PTPRN2: variants seen among roughly 807,000 people sequenced by gnomAD.
PTPRN2 encodes receptor-type tyrosine-protein phosphatase N2.
A neutral mutation model predicts 118.8 loss-of-function variants in PTPRN2; 74 were observed. The observed-to-expected ratio is 0.62, with a 90% CI of 0.52 to 0.76. The LOEUF is 0.76. Ranked by LOEUF, PTPRN2 falls within the 30% of genes least tolerant of loss-of-function variation. The probability of loss-of-function intolerance (pLI) is 0.00; values close to 1 mark genes in which losing one functional copy is unlikely to be tolerated. For missense variants in PTPRN2, 1,481 were observed against 1,394.4 expected, an observed-to-expected ratio of 1.06 and a Z score of -0.99; for synonymous variants, 641 against 608.0, an observed-to-expected ratio of 1.05 and a Z score of -0.80.
chr7:158,579,355 C>T (rs1239159975), intron 1 of PTPRN2, among the ~76,000 whole-genome samples: 2 of 152,214 alleles, frequency 1.3e-5, no homozygotes, highest in East Asian at 1.9e-4. Context: ...CAGCCACCAC[C>T]TCCAACATTA....
At chr7:158,270,563 A>G (rs140411752) in intron 3 of PTPRN2, among the ~76,000 whole-genome samples, 3,068 of 152,168 alleles carry the variant, frequency 0.02, 52 homozygotes, top group Non-Finnish European at 0.032. Context: ...TGCTATCACA[A>G]TTGAGGGCTG....
At chr7:157,919,285 A>G (rs1798575457) in intron 11 of PTPRN2, among the ~76,000 whole-genome samples, 1 of 152,218 alleles carries the variant, frequency 6.6e-6, no homozygotes, top group Non-Finnish European at 1.5e-5. Flanking sequence ...ACAGAAAACA[A>G]AACTCTCTCA....
intron 5 of PTPRN2, among the ~76,000 whole-genome samples, chr7:158,184,097 C>A (rs923672759): frequency 6.6e-6 from 1 of 151,856 alleles, no homozygotes; most frequent in Non-Finnish European, 1.5e-5. Flanking sequence ...GTGTGTCTTT[C>A]GAAGAAGTGT....
At position 157,548,986 on chromosome 7, in the gene PTPRN2, T is replaced by C. The variant is rs377060293; in HGVS notation, c.2936A>G (p.Glu979Gly). 2 of 1,614,070 alleles carry C rather than the reference T, an allele frequency of 1.2e-6. No homozygotes were observed. Among genetic ancestry groups the C allele is most frequent in the African/African-American group, 2.7e-5 (2 of 74,912 alleles). The change falls in exon 22 of 23, where the codon GAG becomes GGG. Residue 979 changes from glutamate to glycine, a missense_variant. By Grantham distance (98) the Glu-to-Gly change is moderately conservative (BLOSUM62 -2). This residue lies in a region of PTPRN2 where 362 missense variants were observed against 384.1 expected (regional missense o/e 0.94). Coordinates refer to ENST00000389418, the MANE Select transcript of PTPRN2 (RefSeq NM_002847.5). Reference protein sequence around the residue: ...AKEIDIAATLEHLRDQRPGMV... With the variant: ...AKEIDIAATLGHLRDQRPGMV... ...GCCGGGTCTCTGGTCCCTCAAGTGC[T>C]CCAGGGTCGCTGCGATATCAATCTC...
intron 2 of PTPRN2, among the ~76,000 whole-genome samples, chr7:158,414,935 G>A (rs1405694788): frequency 3.3e-5 from 5 of 152,190 alleles, no homozygotes; most frequent in African/African-American, 4.8e-5. Flanking sequence ...AAGGAAAACA[G>A]GAGCTGAGCA....
chr7:157,733,554 T>C (rs113861107), intron 12 of PTPRN2, among the ~76,000 whole-genome samples: 609 of 18,520 alleles, frequency 0.033, 76 homozygotes, highest in Middle Eastern at 0.071. Context: ...GCACAGTTAC[T>C]CTTTGCCGTC....
At chr7:158,062,642 G>A (rs1810432671) in intron 11 of PTPRN2, among the ~76,000 whole-genome samples, 1 of 152,186 alleles carries the variant, frequency 6.6e-6, no homozygotes, top group Admixed American at 6.5e-5. Context: ...GGTGGGCGTG[G>A]GCTCGGCAGG....
intron 3 of PTPRN2, among the ~76,000 whole-genome samples, chr7:158,281,586 T>C (rs1333677314): frequency 1.3e-5 from 2 of 152,162 alleles, no homozygotes; most frequent in Non-Finnish European, 2.9e-5. Context: ...GGGTGTGTGG[T>C]GTGCGTGGTG....
intron 3 of PTPRN2, among the ~76,000 whole-genome samples, chr7:158,206,832 A>G (rs947962834): frequency 6.7e-6 from 1 of 150,126 alleles, no homozygotes; most frequent in Non-Finnish European, 1.5e-5. Flanking sequence ...TTATACTTTA[A>G]GTTTTAGGGT....
At chr7:158,365,442 G>C (rs1277975107) in intron 2 of PTPRN2, among the ~76,000 whole-genome samples, 1 of 151,994 alleles carries the variant, frequency 6.6e-6, no homozygotes, top group Non-Finnish European at 1.5e-5. Flanking sequence ...TCCTACAAAA[G>C]AAATCACATG....
At chr7:158,401,411 G>A (rs1432295622) in intron 2 of PTPRN2, among the ~76,000 whole-genome samples, 1 of 152,276 alleles carries the variant, frequency 6.6e-6, no homozygotes, top group Non-Finnish European at 1.5e-5. Flanking sequence ...GGAGCAGCAT[G>A]GAGGCAGAGA....
chr7:157,651,999 G>T (rs1183216113), intron 14 of PTPRN2, among the ~76,000 whole-genome samples: 4 of 152,234 alleles, frequency 2.6e-5, no homozygotes, highest in African/African-American at 9.6e-5. Context: ...CCTTCCCTGC[G>T]CCTGGGAGGC....
At chr7:158,513,613 G>A (rs1211581626) in intron 1 of PTPRN2, among the ~76,000 whole-genome samples, 2 of 35,966 alleles carry the variant, frequency 5.6e-5, no homozygotes, top group Non-Finnish European at 1.0e-4. Context: ...CTGAAAAATA[G>A]TTTATTATAG....
intron 10 of PTPRN2, among the ~76,000 whole-genome samples, chr7:158,106,068 C>T (rs1815659704): frequency 6.6e-6 from 1 of 152,136 alleles, no homozygotes; most frequent in Non-Finnish European, 1.5e-5. Flanking sequence ...CAACTCCATT[C>T]AGCTCTATCC....
At chr7:157,567,271 T>C (rs1208791348) in intron 21 of PTPRN2, among the ~76,000 whole-genome samples, 2 of 152,238 alleles carry the variant, frequency 1.3e-5, no homozygotes, top group African/African-American at 4.8e-5. Context: ...TTAAAAATAT[T>C]ATGAGTGTTT....
At chr7:158,292,757 G>A (rs1190751859) in intron 3 of PTPRN2, among the ~76,000 whole-genome samples, 1 of 152,164 alleles carries the variant, frequency 6.6e-6, no homozygotes, top group African/African-American at 2.4e-5. Context: ...AAAAGGTGCA[G>A]TAAAAATATG....
At chr7:158,414,623 C>T (rs544828002) in intron 2 of PTPRN2, among the ~76,000 whole-genome samples, 8 of 152,356 alleles carry the variant, frequency 5.3e-5, no homozygotes, top group African/African-American at 1.7e-4. Context: ...AGGCCGCCCC[C>T]GCTTCCACGG....
intron 13 of PTPRN2, among the ~76,000 whole-genome samples, chr7:157,672,169 C>G (rs569196743): frequency 6.6e-6 from 1 of 152,056 alleles, no homozygotes; most frequent in Non-Finnish European, 1.5e-5. Flanking sequence ...GAAAACCCCC[C>G]CTGGAGAAGC....
intron 12 of PTPRN2, among the ~76,000 whole-genome samples, chr7:157,713,053 G>A (rs1365388230): frequency 1.3e-5 from 2 of 152,260 alleles, no homozygotes; most frequent in Non-Finnish European, 2.9e-5. Context: ...GTGGCTGTGG[G>A]CGGGATTGTT....
Sources: allele counts gnomAD v4.1 joint callset (sites outside exome capture counted in the v4.1 genomes callset), GRCh38; gene constraint gnomAD v4.1.1; regional missense constraint gnomAD v4.1.1; transcripts MANE v1.5; gene names NCBI Gene and HGNC (gene_info 2026-07-23, HGNC 2026-07-21).